Variants in JMJD1C observed in about 807,000 individuals in gnomAD.
JMJD1C encodes jumonji domain containing 1C.
Under a neutral mutation model 245.3 loss-of-function variants are expected in JMJD1C, and 31 were observed. The observed-to-expected ratio is 0.13, with a 90% CI of 0.09 to 0.17. JMJD1C has a LOEUF of 0.17. Ranked by LOEUF, JMJD1C falls within the 10% of genes least tolerant of loss-of-function variation. The probability of loss-of-function intolerance (pLI) is 1.00; values close to 1 mark genes in which losing one functional copy is unlikely to be tolerated. For synonymous variants in JMJD1C, 1,057 were observed against 1,017.4 expected, an observed-to-expected ratio of 1.04 and a Z score of -0.74; for missense variants, 2,691 against 3,000.2, an observed-to-expected ratio of 0.90 and a Z score of 2.41.
intron 2 of JMJD1C, among the ~76,000 whole-genome samples, chr10:63,279,399 C>A (rs886286427): frequency 6.6e-6 from 1 of 152,150 alleles, no homozygotes; most frequent in African/African-American, 2.4e-5. Flanking sequence ...TAAGGATTAA[C>A]CTTAAATTTT....
At chr10:63,400,014 T>C (rs1174754016) in intron 1 of JMJD1C, among the ~76,000 whole-genome samples, 1 of 152,154 alleles carries the variant, frequency 6.6e-6, no homozygotes, top group Non-Finnish European at 1.5e-5. Flanking sequence ...AAAGCCTACT[T>C]TACTCACTGT....
At chr10:63,173,256 CTACA>C (rs1470067707) in intron 24 of JMJD1C, among the ~76,000 whole-genome samples, 2 of 152,144 alleles carry the variant, frequency 1.3e-5, no homozygotes, top group Non-Finnish European at 2.9e-5. Flanking sequence ...ATACTATGCA[CTACA>C]TACAAAGATG....
intron 1 of JMJD1C, among the ~76,000 whole-genome samples, chr10:63,462,204 A>C (rs1459403162): frequency 4.6e-5 from 7 of 152,230 alleles, no homozygotes; most frequent in Non-Finnish European, 1.0e-4. Flanking sequence ...CAATACAGAT[A>C]ACCCAAAAGG....
chr10:63,412,405 A>G (rs1462978075), intron 1 of JMJD1C, among the ~76,000 whole-genome samples: 2 of 152,220 alleles, frequency 1.3e-5, no homozygotes, highest in African/African-American at 4.8e-5. Context: ...ACTAAACAAC[A>G]TTAAAAATTA....
intron 3 of JMJD1C, among the ~76,000 whole-genome samples, chr10:63,243,520 C>G (rs1299454363): frequency 6.6e-6 from 1 of 152,116 alleles, no homozygotes; most frequent in African/African-American, 2.4e-5. Context: ...GAGCAAAATT[C>G]TGTCTCAAAA....
At chr10:63,199,128 G>A (rs1322711571) in intron 11 of JMJD1C, among the ~76,000 whole-genome samples, 3 of 152,048 alleles carry the variant, frequency 2.0e-5, no homozygotes, top group Admixed American at 6.6e-5. Flanking sequence ...TTCACCAGGA[G>A]GACTTTAAAA....
chr10:63,403,098 G>C (rs1326496569), intron 1 of JMJD1C, among the ~76,000 whole-genome samples: 1 of 152,122 alleles, frequency 6.6e-6, no homozygotes, highest in Non-Finnish European at 1.5e-5. Context: ...CCACTCTCTG[G>C]ATCTCTGCTT....
chr10:63,303,453 G>A (rs976397509), intron 2 of JMJD1C, among the ~76,000 whole-genome samples: 15 of 152,030 alleles, frequency 9.9e-5, no homozygotes, highest in Middle Eastern at 3.4e-3. Context: ...TTACAGGCAC[G>A]CGCCACCACA....
intron 2 of JMJD1C, among the ~76,000 whole-genome samples, chr10:63,369,212 C>T (rs369689584): frequency 6.6e-6 from 1 of 151,804 alleles, no homozygotes; most frequent in African/African-American, 2.4e-5. Flanking sequence ...GATGCAATCT[C>T]GGCTCACTGC....
intron 3 of JMJD1C, among the ~76,000 whole-genome samples, chr10:63,245,032 G>A (rs1186046377): frequency 1.3e-5 from 2 of 151,056 alleles, no homozygotes; most frequent in African/African-American, 4.9e-5. Flanking sequence ...AGCTATTCGG[G>A]AGGCTGAGGC....
At chr10:63,388,160 A>G (rs919021523) in intron 1 of JMJD1C, among the ~76,000 whole-genome samples, 8 of 152,148 alleles carry the variant, frequency 5.3e-5, no homozygotes, top group African/African-American at 1.7e-4. Flanking sequence ...TATATAACTC[A>G]AAAATATCTT....
chr10:63,456,198 T>C (rs184112162), intron 1 of JMJD1C, among the ~76,000 whole-genome samples: 3 of 152,226 alleles, frequency 2.0e-5, no homozygotes, highest in Admixed American at 6.5e-5. Flanking sequence ...TCAGAGATTT[T>C]GAAAATTATG....
chr10:63,205,415 C>A (rs965679606), intron 10 of JMJD1C, among the ~76,000 whole-genome samples: 2 of 152,156 alleles, frequency 1.3e-5, no homozygotes, highest in Admixed American at 1.3e-4. Context: ...GTTCAACCTA[C>A]CATGGATCAA....
At chr10:63,447,295 A>C (rs1357123848) in intron 1 of JMJD1C, among the ~76,000 whole-genome samples, 2 of 152,200 alleles carry the variant, frequency 1.3e-5, no homozygotes, top group African/African-American at 4.8e-5. Context: ...CCATGTTCCC[A>C]CATTATTTCT....
intron 2 of JMJD1C, among the ~76,000 whole-genome samples, chr10:63,363,788 C>T (rs1037779067): frequency 6.6e-6 from 1 of 151,834 alleles, no homozygotes; most frequent in African/African-American, 2.4e-5. Flanking sequence ...AAGTGATCCT[C>T]CCCCTCTGGC....
chr10:63,243,417 T>A (rs150308742), intron 3 of JMJD1C, among the ~76,000 whole-genome samples: 1 of 151,920 alleles, frequency 6.6e-6, no homozygotes, highest in Non-Finnish European at 1.5e-5. Context: ...TCCCAGCTAC[T>A]TGGGAGGCTG....
At chr10:63,478,069 T>C (rs188321813) in intron 1 of JMJD1C, among the ~76,000 whole-genome samples, 213 of 152,210 alleles carry the variant, frequency 1.4e-3, no homozygotes, top group South Asian at 3.7e-3. Context: ...AGAACTCTCA[T>C]ACAGTGCTGA....
At chr10:63,433,731 G>A (rs1175358331) in intron 1 of JMJD1C, among the ~76,000 whole-genome samples, 3 of 150,498 alleles carry the variant, frequency 2.0e-5, no homozygotes, top group East Asian at 3.9e-4. Context: ...TACTACACAC[G>A]TGTACCACCA....
chr10:63,486,739 A>G (rs978801698), intron 1 of JMJD1C, among the ~76,000 whole-genome samples: 1 of 152,148 alleles, frequency 6.6e-6, no homozygotes, highest in African/African-American at 2.4e-5. Context: ...ATAACTCTGC[A>G]TGGCTTACTC....
Sources: gnomAD v4.1 joint callset for allele counts (sites outside exome capture counted in the v4.1 genomes callset) on GRCh38, gnomAD v4.1.1 for gene constraint, MANE v1.5 for transcripts, NCBI Gene and HGNC (gene_info 2026-07-23, HGNC 2026-07-21) for gene names.